The following ERF variants were observed in gnomAD, a reference collection of about 807,000 sequenced individuals.
ERF encodes the protein ETS2 repressor factor, also known as ETS domain-containing transcription factor ERF.
Under a neutral mutation model 41.6 loss-of-function variants are expected in ERF, and 10 were observed. The ratio of observed to expected loss-of-function variants is 0.24; its 90% confidence interval spans 0.15 to 0.41. The LOEUF is 0.41. ERF is among the 10% of genes least tolerant of loss of function. ERF has a pLI of 1.00. For synonymous variants in ERF, 395 were observed against 342.4 expected, an observed-to-expected ratio of 1.15 and a Z score of -1.70; for missense variants, 621 against 763.2, an observed-to-expected ratio of 0.81 and a Z score of 2.19.
Position 42,254,960 on chromosome 19 carries a change from T to C in ERF, c.22+18A>G. On this transcript the variant is annotated intron_variant, in intron 1 of 3. Transcript: ENST00000222329. ...CGGGGCAACAAGTCTCCCCCACACG[T>C]GCTGCCCCCGCCCCCACCTGTGTCC... 1 of 1,500,174 alleles carries C rather than the reference T, an allele frequency of 6.7e-7. No individual in the cohort carries two copies. Among genetic ancestry groups the C allele is most frequent in the Non-Finnish European group, 8.8e-7 (1 of 1,133,472 alleles). The allele number at this position is 1,500,174 out of a possible 1,614,324, so 92.9% of individuals were successfully genotyped here. A position where few individuals can be genotyped will look rare whatever the true frequency, so the allele number is the denominator to read the frequency against.
In ERF at chr19:42,253,865, C is replaced by T. The variant is rs2036488615; in HGVS notation, c.22+1113G>A. On this transcript the variant is annotated intron_variant, in intron 1 of 3. Coordinates refer to ENST00000222329, the MANE Select transcript of ERF (RefSeq NM_006494.4). ...ACCCGCACACAGGAGCCCGAGCCGC[C>T]GCCGCCGCCGCCGCCGCCGCCGGGG... 2.8e-6 allele frequency: 3 copies of T among 1,066,432 alleles called. No homozygotes were observed. The South Asian group carries it at 7.3e-5, about 26-fold the overall frequency. 66.1% of individuals were successfully genotyped at this position (1,066,432 alleles called of 1,614,324 possible). A position where few individuals can be genotyped will look rare whatever the true frequency, so the allele number is the denominator to read the frequency against.
At position 42,249,634 on chromosome 19, in the gene ERF, G is replaced by A. The variant is rs765102149; in HGVS notation, c.478C>T (p.Arg160Cys). The change falls in exon 4 of 4, where the codon CGC becomes TGC. Residue 160 changes from arginine (R) to cysteine (C), a missense_variant. By Grantham distance (180) the Arg-to-Cys change is radical. Around this residue, in one of 3 missense-constraint regions of ERF, gnomAD observed 569 missense variants for 625.5 expected, o/e 0.91. Transcript: ENST00000222329. This position sits in a 1 kb window ranked among gnomAD's most constrained non-coding sequence, Gnocchi z 8.6. ...SEVLSPTEDP[R>C]SPPACSSSSS... is the part of the protein sequence containing the mutation. ...GATGAAGAGCAGGCTGGTGGTGAGCGGGGGTCCTCGGTGGGGGACAGCACC... is the reference window on the plus strand; with the variant it reads ...GATGAAGAGCAGGCTGGTGGTGAGCAGGGGTCCTCGGTGGGGGACAGCACC... 6.8e-6 allele frequency: 11 copies of A among 1,611,608 alleles called. No individual in the cohort carries two copies. The highest frequency in any genetic ancestry group is 9.3e-6 in the Non-Finnish European group (11 of 1,179,004).
chr19:42,248,896 C>T lies in ERF; in HGVS notation c.1216G>A (p.Ala406Thr), dbSNP rs2036384862. 1.2e-6 allele frequency: 2 copies of T among 1,607,766 alleles called. No individual in the cohort carries two copies. Among genetic ancestry groups the T allele is most frequent in the East Asian group, 2.2e-5 (1 of 44,844 alleles). ...CCTGCCCCCTCAGCCAGCCCGCCTG[C>T]ACTGCCACCGCTCTTGTCAGCACCG... is the stretch of plus-strand genomic sequence containing the variant. ...VAGADKSGGS[A>T]GGLAEGAGAL... The change falls in exon 4 of 4, where the codon GCA becomes ACA. Residue 406 changes from alanine (A) to threonine (T), a missense_variant. Physicochemically the swap from Ala to Thr is moderately conservative, Grantham distance 58. Around this residue, in one of 3 missense-constraint regions of ERF, gnomAD observed 569 missense variants for 625.5 expected, o/e 0.91. Coordinates refer to ENST00000222329, the MANE Select transcript of ERF (RefSeq NM_006494.4). This position sits in a 1 kb window ranked among gnomAD's most constrained non-coding sequence, Gnocchi z 4.2.
chr19:42,253,796 T>TGGGGTG (rs938241149), intron 1 of ERF: 46 of 724,176 alleles, frequency 6.4e-5, no homozygotes, highest in Non-Finnish European at 2.4e-5. Flanking sequence ...GGGGTGGGAA[T>TGGGGTG]GGGGTGGGGA....
In ERF at chr19:42,248,922, G is replaced by C. The variant is rs1483747782; in HGVS notation, c.1190C>G (p.Ala397Gly). 2 of 1,607,006 alleles carry C rather than the reference G, an allele frequency of 1.2e-6. No individual in the cohort carries two copies. Among genetic ancestry groups the C allele is most frequent in the Non-Finnish European group, 1.7e-6 (2 of 1,179,694 alleles). The stretch of plus-strand genomic sequence containing the variant: ...ACTGCCACCGCTCTTGTCAGCACCG[G>C]CTACGGCCTTCTCCCCAGCTGCCCG... Reference protein sequence around the residue: ...RQRAAGEKAVAGADKSGGSAG... With the variant: ...RQRAAGEKAVGGADKSGGSAG... Residue 397 changes from alanine (A) to glycine (G), a missense_variant, in exon 4 of 4, where the codon GCC becomes GGC. Ala to Gly is a moderately conservative substitution (Grantham distance 60). This residue lies in a region of ERF where 569 missense variants were observed against 625.5 expected (regional missense o/e 0.91). Transcript: ENST00000222329. This position sits in a 1 kb window ranked among gnomAD's most constrained non-coding sequence, Gnocchi z 4.2.
In ERF at chr19:42,249,167, C is replaced by T. The variant is rs1351099700; in HGVS notation, c.945G>A (p.Gln315=). ...AGTTGTAGACGCTTTGGGTGTGGGCCTGCAGGTACCGTTTCATGTCCTCAG... is the reference window on the plus strand; with the variant it reads ...AGTTGTAGACGCTTTGGGTGTGGGCTTGCAGGTACCGTTTCATGTCCTCAG... ...FSPEDMKRYL[Q]AHTQSVYNYH... Residue 315 remains glutamine, a synonymous_variant, in exon 4 of 4, where the codon CAG becomes CAA. Coordinates refer to ENST00000222329, the MANE Select transcript of ERF (RefSeq NM_006494.4). This position sits in a 1 kb window ranked among gnomAD's most constrained non-coding sequence, Gnocchi z 8.6. 1 of 1,613,852 alleles carries T rather than the reference C, an allele frequency of 6.2e-7. No individual in the cohort carries two copies. Among genetic ancestry groups the T allele is most frequent in the Non-Finnish European group, 8.5e-7 (1 of 1,179,898 alleles).
intron 1 of ERF, among the ~76,000 whole-genome samples, chr19:42,253,027 G>T (rs2036470236): frequency 6.6e-6 from 1 of 152,170 alleles, no homozygotes; most frequent in Admixed American, 6.5e-5. Context: ...GGGCTGGGAT[G>T]GCGAGGTCCC....
Position 42,248,277 on chromosome 19 carries a change from T to G in ERF, c.*188A>C. ...AGAGACAGGGAATAGCCCCTAGCCC[T>G]GGGCACCCACCCACCCCCACCATTT... On this transcript the variant is annotated 3_prime_UTR_variant, in exon 4 of 4. Transcript: ENST00000222329. The surrounding 1 kb of genome is among the most constrained non-coding windows in gnomAD (Gnocchi z 4.2). The G allele has an allele frequency of 1.0e-5, 2 of 198,578 alleles. No homozygotes were observed. Among genetic ancestry groups the G allele is most frequent in the Non-Finnish European group, 8.1e-6 (1 of 123,448 alleles). 12.3% of individuals were successfully genotyped at this position (198,578 alleles called of 1,614,324 possible).
At position 42,250,046 on chromosome 19, in the gene ERF, GGAAC is replaced by G. The variant is rs1568472509; in HGVS notation, c.258-108_258-105del. The G allele has an allele frequency of 8.8e-7, 1 of 1,139,266 alleles. No homozygotes were observed. The highest frequency in any genetic ancestry group is 1.5e-5 in the African/African-American group (1 of 65,526). 70.6% of individuals were successfully genotyped at this position (1,139,266 alleles called of 1,614,324 possible). A position where few individuals can be genotyped will look rare whatever the true frequency, so the allele number is the denominator to read the frequency against. ...GGTGTGGTTCCCAAAGGCCAACTGA[GGAAC>G]GTAGGCCACAAAAGACAAATCAAGT... On this transcript the variant is annotated intron_variant, in intron 2 of 3. Coordinates refer to ENST00000222329, the MANE Select transcript of ERF (RefSeq NM_006494.4). The surrounding 1 kb of genome is among the most constrained non-coding windows in gnomAD (Gnocchi z 5.1).
intron 1 of ERF, among the ~76,000 whole-genome samples, chr19:42,252,109 G>C (rs987155263): frequency 1.3e-5 from 2 of 152,262 alleles, no homozygotes; most frequent in Admixed American, 6.5e-5. Flanking sequence ...CACCCTTCTA[G>C]AGAATCCAGA....
intron 1 of ERF, 56 bp downstream of exon 1, chr19:42,254,922 C>T (rs1016200160): frequency 5.4e-5 from 82 of 1,512,426 alleles, no homozygotes; most frequent in Non-Finnish European, 6.9e-5. Flanking sequence ...CAAAGTTTCT[C>T]CGTTCGGTTT....
rs762927239 is a variant in ERF, at chr19:42,249,772, C to T, written c.374-34G>A. On this transcript the variant is annotated intron_variant, in intron 3 of 3. Coordinates refer to ENST00000222329, the MANE Select transcript of ERF (RefSeq NM_006494.4). The surrounding 1 kb of genome is among the most constrained non-coding windows in gnomAD (Gnocchi z 8.6). ...AGGGAGACAGTGTCAAGGCCCCTGG[C>T]CTAGCCTGAAGGGGCATGTAGACCC... is the stretch of plus-strand genomic sequence containing the variant. 6.2e-7 allele frequency: 1 copy of T among 1,613,592 alleles called. No individual in the cohort carries two copies.
chr19:42,248,826 G>C lies in ERF; in HGVS notation c.1286C>G (p.Pro429Arg). 6.2e-7 allele frequency: 1 copy of C among 1,613,030 alleles called. No homozygotes were observed. Among genetic ancestry groups the C allele is most frequent in the Non-Finnish European group, 8.5e-7 (1 of 1,179,814 alleles). ...PPPPPQIKVE[P>R]ISEGESEEVE... ...CTCCTCCGACTCGCCTTCCGAGATG[G>C]GCTCCACCTTGATCTGTGGTGGCGG... Residue 429 changes from proline (P) to arginine (R), a missense_variant, in exon 4 of 4, where the codon CCC (proline) becomes CGC (arginine). By Grantham distance (103) the Pro-to-Arg change is moderately radical. Transcript: ENST00000222329. This position sits in a 1 kb window ranked among gnomAD's most constrained non-coding sequence, Gnocchi z 4.2.
intron 1 of ERF, among the ~76,000 whole-genome samples, chr19:42,254,065 GAAAA>G (rs2036493226): frequency 6.6e-6 from 1 of 150,816 alleles, no homozygotes. Flanking sequence ...AGGGGAGGGG[GAAAA>G]GTCCGAGTGG....
chr19:42,249,678 G>A lies in ERF; in HGVS notation c.434C>T (p.Pro145Leu), dbSNP rs770389617. 11 of 1,601,606 alleles carry A rather than the reference G, an allele frequency of 6.9e-6. No individual in the cohort carries two copies. The South Asian group carries it at 1.1e-4, about 16-fold the overall frequency. Residue 145 changes from proline to leucine, a missense_variant, in exon 4 of 4, where the codon CCT (proline) becomes CTT (leucine). By Grantham distance (98) the Pro-to-Leu change is moderately conservative. Coordinates refer to ENST00000222329, the MANE Select transcript of ERF (RefSeq NM_006494.4). The surrounding 1 kb of genome is among the most constrained non-coding windows in gnomAD (Gnocchi z 8.6). ...VPSGGSHFRF[P>L]PSTPSEVLSP... Reference sequence around the variant, plus strand: ...CAGCACCTCGGAGGGCGTTGAGGGAGGGAAGCGGAAGTGGCTACCACCCGA... The same window carrying A: ...CAGCACCTCGGAGGGCGTTGAGGGAAGGAAGCGGAAGTGGCTACCACCCGA...
At chr19:42,253,939 C>G (rs2036490341) in intron 1 of ERF, 1 of 1,031,206 alleles carries the variant, frequency 9.7e-7, no homozygotes, top group Admixed American at 6.1e-5. Flanking sequence ...CCCCCTCCCC[C>G]GTCCCCGCCC....
In ERF at chr19:42,249,431, A is replaced by ATGAC; in HGVS notation, c.680_681insGTCA (p.His227GlnfsTer3). 1 of 1,592,948 alleles carries ATGAC rather than the reference A, an allele frequency of 6.3e-7. No individual in the cohort carries two copies. The highest frequency in any genetic ancestry group is 8.5e-7 in the Non-Finnish European group (1 of 1,170,130). On this transcript the variant is annotated frameshift_variant, in exon 4 of 4. Coordinates refer to ENST00000222329, the MANE Select transcript of ERF (RefSeq NM_006494.4). LOFTEE classifies it high-confidence loss of function. The surrounding 1 kb of genome is among the most constrained non-coding windows in gnomAD (Gnocchi z 8.6). ...GATAGACTCGGAAGACACCAGGGTC[A>ATGAC]TGGGGCAGGCGGGCCAGCGGGGGCC...
At position 42,249,011 on chromosome 19, in the gene ERF, G is replaced by T. The variant is rs752492976; in HGVS notation, c.1101C>A (p.Ser367=). 12 of 1,610,194 alleles carry T rather than the reference G, an allele frequency of 7.5e-6. No individual in the cohort carries two copies. Among genetic ancestry groups the T allele is most frequent in the South Asian group, 5.5e-5 (5 of 91,030 alleles). Residue 367 remains serine, a synonymous_variant, in exon 4 of 4, where the codon TCC becomes TCA. Transcript: ENST00000222329. The surrounding 1 kb of genome is among the most constrained non-coding windows in gnomAD (Gnocchi z 8.6). ...TGAATGGGGAGGAAGAAGAAGAAGA[G>T]GATGACGAGGCCGAGGAGGGGACCG... ...TPPVPSSASS[S]SSSSSSPFKF... is the part of the protein sequence containing the mutation.
intron 1 of ERF, chr19:42,253,716 G>T: frequency 3.0e-6 from 1 of 334,482 alleles, no homozygotes; most frequent in Non-Finnish European, 4.3e-6. Context: ...CCCTGGCGCC[G>T]GATCCCAGCT....
Sources: gnomAD v4.1 joint callset for allele counts (sites outside exome capture counted in the v4.1 genomes callset) on GRCh38, gnomAD v4.1.1 for gene constraint, gnomAD v4.1.1 regional missense constraint, Gnocchi (gnomAD v3.1) non-coding constraint, MANE v1.5 for transcripts, NCBI Gene and HGNC (gene_info 2026-07-23, HGNC 2026-07-21) for gene names.